The following UCK2 variants were observed in gnomAD, a reference collection of about 807,000 sequenced individuals.
UCK2 encodes cytidine monophosphokinase 2.
In UCK2, 6 loss-of-function variants were observed where a neutral mutation model predicts 30.8. The observed-to-expected ratio is 0.19, with a 90% CI of 0.11 to 0.38. The LOEUF (loss-of-function observed/expected upper bound fraction) is 0.38, where lower values mean the gene tolerates loss of function less well. Ranked by LOEUF, UCK2 falls within the 10% of genes least tolerant of loss-of-function variation. The probability of loss-of-function intolerance (pLI) is 1.00; values close to 1 mark genes in which losing one functional copy is unlikely to be tolerated. For synonymous variants in UCK2, 125 were observed against 133.6 expected, an observed-to-expected ratio of 0.94 and a Z score of 0.45; for missense variants, 210 against 339.8, an observed-to-expected ratio of 0.62 and a Z score of 3.00.
intron 1 of UCK2, among the ~76,000 whole-genome samples, chr1:165,841,324 C>T (rs565622848): frequency 4.1e-4 from 63 of 151,974 alleles, no homozygotes; most frequent in African/African-American, 1.5e-3. Context: ...GCTGGGATTA[C>T]AGGCGCCCAC....
chr1:165,898,774 A>G (rs532395626), intron 4 of UCK2, among the ~76,000 whole-genome samples: 3 of 152,322 alleles, frequency 2.0e-5, no homozygotes, highest in African/African-American at 7.2e-5. Context: ...GTGAAATAGG[A>G]GCAATTCCTA....
intron 6 of UCK2, among the ~76,000 whole-genome samples, chr1:165,906,758 A>C (rs1647676059): frequency 6.6e-6 from 1 of 152,142 alleles, no homozygotes; most frequent in South Asian, 2.1e-4. Flanking sequence ...GTAAAATAGG[A>C]CCTGGTTTCT....
chr1:165,861,773 A>G (rs913779263), intron 1 of UCK2, among the ~76,000 whole-genome samples: 1 of 152,126 alleles, frequency 6.6e-6, no homozygotes, highest in South Asian at 2.1e-4. Context: ...AAAGGAGGTT[A>G]ACAACCTTGT....
chr1:165,844,880 C>A (rs1429273212), intron 1 of UCK2, among the ~76,000 whole-genome samples: 4 of 152,126 alleles, frequency 2.6e-5, no homozygotes, highest in Admixed American at 1.3e-4. Context: ...CATGCCTCAC[C>A]CTTTGCGTCT....
chr1:165,897,710 A>G (rs1647320302), intron 4 of UCK2, among the ~76,000 whole-genome samples: 1 of 152,202 alleles, frequency 6.6e-6, no homozygotes, highest in Non-Finnish European at 1.5e-5. Flanking sequence ...AATTGTAAGA[A>G]CTATTCATGA....
intron 1 of UCK2, among the ~76,000 whole-genome samples, chr1:165,834,676 C>G (rs1221272937): frequency 6.6e-6 from 1 of 152,132 alleles, no homozygotes; most frequent in Non-Finnish European, 1.5e-5. Flanking sequence ...GCTTTGCCAA[C>G]TCGCTATTGG....
intron 1 of UCK2, among the ~76,000 whole-genome samples, chr1:165,868,032 A>G (rs1655090971): frequency 6.6e-6 from 1 of 152,238 alleles, no homozygotes; most frequent in Non-Finnish European, 1.5e-5. Flanking sequence ...GATGTTGTGT[A>G]GGCAGGCATG....
Position 165,837,152 on chromosome 1 carries a change from T to C in UCK2, c.99+9220T>C, listed in dbSNP as rs536791065. Among the ~76,000 whole-genome samples, 4 of 152,320 alleles carry C rather than the reference T, an allele frequency of 2.6e-5. No individual in the cohort carries two copies. In the South Asian group the frequency reaches 8.3e-4, roughly 32 times the overall value. On this transcript the variant is annotated intron_variant, in intron 1 of 6. Coordinates refer to ENST00000367879, the MANE Select transcript of UCK2 (RefSeq NM_012474.5). Reference sequence around the variant, plus strand: ...GGCCCCACTTCCCAACACTGCCACATTGGGCATCAAGTTTTCAACACGTGA... The same window carrying C: ...GGCCCCACTTCCCAACACTGCCACACTGGGCATCAAGTTTTCAACACGTGA...
chr1:165,863,355 G>A (rs1654966817), intron 1 of UCK2, among the ~76,000 whole-genome samples: 1 of 152,238 alleles, frequency 6.6e-6, no homozygotes, highest in Non-Finnish European at 1.5e-5. Flanking sequence ...GGATCTGCAA[G>A]CACCAGCATT....
At chr1:165,862,285 C>G (rs1654933102) in intron 1 of UCK2, among the ~76,000 whole-genome samples, 1 of 152,116 alleles carries the variant, frequency 6.6e-6, no homozygotes, top group Non-Finnish European at 1.5e-5. Context: ...GCATTCTAAA[C>G]AAGTGAAGAG....
At chr1:165,868,521 A>C (rs1223859761) in intron 1 of UCK2, among the ~76,000 whole-genome samples, 2 of 152,238 alleles carry the variant, frequency 1.3e-5, no homozygotes, top group Non-Finnish European at 2.9e-5. Context: ...CAGCTTCTAC[A>C]TCAGCACTTG....
At chr1:165,899,305 C>T (rs185388340) in intron 4 of UCK2, among the ~76,000 whole-genome samples, 4 of 152,260 alleles carry the variant, frequency 2.6e-5, no homozygotes, top group Admixed American at 2.6e-4. Flanking sequence ...TACCACCACC[C>T]AGCTCTGAAT....
At chr1:165,870,271 A>T (rs560360960) in intron 1 of UCK2, among the ~76,000 whole-genome samples, 2 of 149,938 alleles carry the variant, frequency 1.3e-5, no homozygotes, top group Non-Finnish European at 2.9e-5. Context: ...GATAATTTTA[A>T]TATGTGAATG....
At chr1:165,860,659 A>G (rs1039777204) in intron 1 of UCK2, among the ~76,000 whole-genome samples, 4 of 152,182 alleles carry the variant, frequency 2.6e-5, no homozygotes, top group Non-Finnish European at 5.9e-5. Flanking sequence ...CATGTTGGTC[A>G]GGCTGGTCTG....
At chr1:165,900,939 T>C (rs1295789931) in intron 4 of UCK2, among the ~76,000 whole-genome samples, 1 of 152,232 alleles carries the variant, frequency 6.6e-6, no homozygotes, top group East Asian at 1.9e-4. Context: ...TCTGGTTTCC[T>C]TTTTTCTTTG....
chr1:165,882,113 A>G (rs1655514280), intron 1 of UCK2, among the ~76,000 whole-genome samples: 1 of 152,216 alleles, frequency 6.6e-6, no homozygotes, highest in Non-Finnish European at 1.5e-5. Context: ...TGGCACAAAC[A>G]GGTGCCGAAA....
chr1:165,905,632 ACT>A (rs1485842905), intron 5 of UCK2, among the ~76,000 whole-genome samples: 1 of 152,220 alleles, frequency 6.6e-6, no homozygotes, highest in Admixed American at 6.5e-5. Context: ...ATTTTCCCTC[ACT>A]GATGCATGAA....
intron 1 of UCK2, among the ~76,000 whole-genome samples, chr1:165,828,904 C>T (rs1653967875): frequency 6.6e-6 from 1 of 152,110 alleles, no homozygotes; most frequent in African/African-American, 2.4e-5. Flanking sequence ...ATTTGGAGCA[C>T]GGGTTCCTCA....
intron 1 of UCK2, among the ~76,000 whole-genome samples, chr1:165,871,143 T>C (rs772447367): frequency 4.6e-5 from 7 of 152,252 alleles, no homozygotes; most frequent in Admixed American, 2.6e-4. Context: ...TGGTTTCTTT[T>C]TGTGTAGGGG....
Sources: allele counts gnomAD v4.1 joint callset (sites outside exome capture counted in the v4.1 genomes callset), GRCh38; gene constraint gnomAD v4.1.1; transcripts MANE v1.5; gene names NCBI Gene and HGNC (gene_info 2026-07-23, HGNC 2026-07-21).